The following DLGAP2 variants were observed in gnomAD, a reference collection of about 807,000 sequenced individuals.
DLGAP2 encodes DLG associated protein 2, also known as disks large-associated protein 2.
In DLGAP2, 26 loss-of-function variants were observed where a neutral mutation model predicts 100.3. The observed-to-expected ratio is 0.26, with a 90% CI of 0.19 to 0.36. The LOEUF is 0.36. Among genes scored for constraint, DLGAP2 ranks in the 10% least tolerant of loss-of-function variants. The pLI, the probability that DLGAP2 is intolerant of heterozygous loss-of-function variation, is 1.00. For synonymous variants in DLGAP2, 886 were observed against 630.1 expected, an observed-to-expected ratio of 1.41 and a Z score of -6.08; for missense variants, 1,858 against 1,453.2, an observed-to-expected ratio of 1.28 and a Z score of -4.53.
At chr8:1,382,583 A>AG (rs1171118159) in intron 3 of DLGAP2, among the ~76,000 whole-genome samples, 1 of 152,160 alleles carries the variant, frequency 6.6e-6, no homozygotes, top group Non-Finnish European at 1.5e-5. Context: ...AAAAAAATAA[A>AG]CTTTTAAAAA....
chr8:1,427,282 T>C (rs1196785815), intron 3 of DLGAP2, among the ~76,000 whole-genome samples: 2 of 152,200 alleles, frequency 1.3e-5, no homozygotes, highest in Non-Finnish European at 1.5e-5. Context: ...AGTGAGGATA[T>C]AGATGATTTG....
At chr8:1,294,564 C>T (rs1205569038) in intron 3 of DLGAP2, among the ~76,000 whole-genome samples, 2 of 152,176 alleles carry the variant, frequency 1.3e-5, no homozygotes, top group Non-Finnish European at 2.9e-5. Flanking sequence ...TGGCGTCCCA[C>T]CTGTGTCGTG....
At position 1,431,637 on chromosome 8, in the gene DLGAP2, T is replaced by C. The variant is rs924867279; in HGVS notation, c.107-69729T>C. On this transcript the variant is annotated intron_variant, in intron 3 of 14. Coordinates refer to ENST00000637795, the MANE Select transcript of DLGAP2 (RefSeq NM_001346810.2). ...CTGACCTATCACAGGCTCGCTGGCG[T>C]GGTGATGAGACCGGGGCTTGTCCTT... Among the ~76,000 whole-genome samples, 8 of 149,116 alleles carry C rather than the reference T, an allele frequency of 5.4e-5. No homozygotes were observed. The East Asian group carries it at 1.5e-3, about 29-fold the overall frequency.
At chr8:1,551,640 C>T (rs1263666773) in intron 5 of DLGAP2, among the ~76,000 whole-genome samples, 1 of 152,048 alleles carries the variant, frequency 6.6e-6, no homozygotes, top group African/African-American at 2.4e-5. Context: ...AACCCACACA[C>T]CGTCAGCCCC....
chr8:836,911 C>T (rs980530401), intron 1 of DLGAP2, among the ~76,000 whole-genome samples: 3 of 152,216 alleles, frequency 2.0e-5, no homozygotes, highest in African/African-American at 4.8e-5. Flanking sequence ...TCTCTGCCAG[C>T]GCACATGCAC....
At chr8:1,667,045 G>A (rs542854693) in intron 8 of DLGAP2, among the ~76,000 whole-genome samples, 1 of 152,238 alleles carries the variant, frequency 6.6e-6, no homozygotes, top group South Asian at 2.1e-4. Context: ...CAAGCAGCCT[G>A]GCAGTGCCTC....
intron 1 of DLGAP2, among the ~76,000 whole-genome samples, chr8:880,066 G>A (rs1233130835): frequency 6.6e-6 from 1 of 152,164 alleles, no homozygotes; most frequent in African/African-American, 2.4e-5. Context: ...TTCTTGTCCT[G>A]CTGCTTCCAA....
chr8:1,542,433 T>A (rs183061429), intron 4 of DLGAP2, among the ~76,000 whole-genome samples: 1 of 152,226 alleles, frequency 6.6e-6, no homozygotes, highest in African/African-American at 2.4e-5. Context: ...GAATCAACAA[T>A]CTGTTTTCCA....
intron 2 of DLGAP2, among the ~76,000 whole-genome samples, chr8:1,190,746 C>T (rs1797615810): frequency 6.6e-6 from 1 of 152,162 alleles, no homozygotes; most frequent in East Asian, 1.9e-4. Flanking sequence ...AAGGTCCTTA[C>T]ACCAGGGGCA....
chr8:1,315,763 C>G (rs1239942860), intron 3 of DLGAP2, among the ~76,000 whole-genome samples: 1 of 29,796 alleles, frequency 3.4e-5, no homozygotes, highest in Non-Finnish European at 5.3e-5. Flanking sequence ...AACTCAGCAG[C>G]TTTTAAAAAT....
At chr8:1,156,532 C>T (rs1253819058) in intron 2 of DLGAP2, among the ~76,000 whole-genome samples, 1 of 152,148 alleles carries the variant, frequency 6.6e-6, no homozygotes, top group Non-Finnish European at 1.5e-5. Flanking sequence ...AGGAGTGGCC[C>T]CGACTCCCCC....
chr8:1,025,877 T>C (rs1321744212), intron 2 of DLGAP2, among the ~76,000 whole-genome samples: 2 of 152,040 alleles, frequency 1.3e-5, no homozygotes, highest in Non-Finnish European at 2.9e-5. Context: ...AAAGACAATA[T>C]ACAAAGTGAG....
At chr8:927,083 G>A (rs1210477398) in intron 2 of DLGAP2, 15 of 985,326 alleles carry the variant, frequency 1.5e-5, no homozygotes, top group African/African-American at 1.7e-5. Flanking sequence ...TCGTGGGAGG[G>A]CCCCAGTGGC....
intron 2 of DLGAP2, among the ~76,000 whole-genome samples, chr8:1,046,295 C>G (rs1306723892): frequency 6.6e-6 from 1 of 152,166 alleles, no homozygotes; most frequent in Admixed American, 6.5e-5. Context: ...AGTTTGGGAT[C>G]AAGAATGTCA....
intron 2 of DLGAP2, among the ~76,000 whole-genome samples, chr8:955,329 A>G (rs190757447): frequency 6.6e-6 from 1 of 152,076 alleles, no homozygotes; most frequent in Admixed American, 6.5e-5. Flanking sequence ...CAGCTTTCCA[A>G]GTGCCCAGCG....
intron 2 of DLGAP2, among the ~76,000 whole-genome samples, chr8:966,854 G>T (rs777070337): frequency 2.2e-4 from 34 of 152,190 alleles, no homozygotes; most frequent in Non-Finnish European, 4.4e-4. Context: ...AAATGTGTCT[G>T]TATGTAAAAT....
At position 1,691,625 on chromosome 8, in the gene DLGAP2, T is replaced by C. The variant is rs772857852; in HGVS notation, c.2795T>C (p.Met932Thr). 2.1e-5 allele frequency: 34 copies of C among 1,613,366 alleles called. 2 individuals carry two copies. The South Asian group carries it at 3.3e-4, about 16-fold the overall frequency. The change falls in exon 13 of 15, where the codon ATG becomes ACG. Residue 932 changes from methionine (M) to threonine (T), a missense_variant and splice_region_variant. Coordinates refer to ENST00000637795, the MANE Select transcript of DLGAP2 (RefSeq NM_001346810.2). ...TTTTATTGGCTTTGCCAACAGAATA[T>C]GGTAAGTGAATCCTCAGTGAACCCC... The part of the protein sequence containing the change: ...QQFYWLCQQN[M>T]DPSAMPRPTS...
intron 3 of DLGAP2, among the ~76,000 whole-genome samples, chr8:1,337,398 G>GAC (rs1304277325): frequency 1.5e-5 from 1 of 64,980 alleles, no homozygotes; most frequent in Non-Finnish European, 3.0e-5. Flanking sequence ...TGAGGATGAT[G>GAC]GTGATGATGG....
intron 6 of DLGAP2, among the ~76,000 whole-genome samples, chr8:1,572,739 T>G (rs1294404742): frequency 1.7e-4 from 8 of 45,856 alleles, no homozygotes; most frequent in Admixed American, 5.3e-4. Flanking sequence ...GGGTGAACTG[T>G]GGGGGCGTCT....
Sources: gnomAD v4.1 joint callset for allele counts (sites outside exome capture counted in the v4.1 genomes callset) on GRCh38, gnomAD v4.1.1 for gene constraint, MANE v1.5 for transcripts, NCBI Gene and HGNC (gene_info 2026-07-23, HGNC 2026-07-21) for gene names.